The following RAB27A variants were observed in gnomAD, a reference collection of about 807,000 sequenced individuals.
RAB27A encodes the protein RAB27A, member RAS oncogene family.
Under a neutral mutation model 20.8 loss-of-function variants are expected in RAB27A, and 17 were observed. The observed-to-expected ratio is 0.82, with a 90% CI of 0.56 to 1.23. The LOEUF (loss-of-function observed/expected upper bound fraction) is 1.23, where lower values mean the gene tolerates loss of function less well. Ranked by LOEUF, RAB27A falls within the 50% of genes most tolerant of loss-of-function variation. The probability of loss-of-function intolerance (pLI) is 0.00; values close to 1 mark genes in which losing one functional copy is unlikely to be tolerated. For missense variants in RAB27A, 277 were observed against 266.7 expected, an observed-to-expected ratio of 1.04 and a Z score of -0.27; for synonymous variants, 85 against 92.8, an observed-to-expected ratio of 0.92 and a Z score of 0.48.
chr15:55,209,876 ATGTG>A lies in RAB27A; in HGVS notation c.468-4175_468-4172del, dbSNP rs35762284. On this transcript the variant is annotated intron_variant, in intron 6 of 6. Transcript: ENST00000336787. ...TGTGTGTATATACATATATACATAT[ATGTG>A]TGTGTATACATATATACACATATGT... 1.3e-4 allele frequency among the ~76,000 whole-genome samples: 14 copies of A among 106,700 alleles called. 1 individual carries two copies. In the South Asian group the frequency reaches 2.2e-3, roughly 17 times the overall value. The allele number at this position is 106,700 out of a possible 152,430, so 70.0% of individuals were successfully genotyped here. A position where few individuals can be genotyped will look rare whatever the true frequency, so the allele number is the denominator to read the frequency against.
At chr15:55,313,586 A>G (rs971712578) in intron 2 of RAB27A, among the ~76,000 whole-genome samples, 4 of 152,164 alleles carry the variant, frequency 2.6e-5, no homozygotes, top group African/African-American at 9.7e-5. Flanking sequence ...AAAATTACCT[A>G]TGCTACGCCA....
intron 1 of RAB27A, among the ~76,000 whole-genome samples, chr15:55,280,235 G>C (rs1897979497): frequency 6.6e-6 from 1 of 152,072 alleles, no homozygotes; most frequent in African/African-American, 2.4e-5. Flanking sequence ...ACAATGCATA[G>C]AGAGGACAGG....
At chr15:55,253,133 GAA>G (rs778165953) in intron 2 of RAB27A, among the ~76,000 whole-genome samples, 5 of 112,262 alleles carry the variant, frequency 4.5e-5, no homozygotes, top group South Asian at 5.7e-4. Flanking sequence ...CTCTGTCTCT[GAA>G]AAAAAAAAAA....
In RAB27A at chr15:55,256,586, A is replaced by G. The variant is rs186606816; in HGVS notation, c.-23+13579T>C. On this transcript the variant is annotated intron_variant, in intron 2 of 6. Transcript: ENST00000336787. Reference sequence around the variant, plus strand: ...GACTTCAATTTAACAAGTATTGAGGAGGCTTGCTAATCATTTCAAAGGATA... The same window carrying G: ...GACTTCAATTTAACAAGTATTGAGGGGGCTTGCTAATCATTTCAAAGGATA... 3.6e-3 allele frequency among the ~76,000 whole-genome samples: 546 copies of G among 152,320 alleles called. 4 individuals are homozygous for G. Among genetic ancestry groups the G allele is most frequent in the African/African-American group, 0.013 (527 of 41,566 alleles).
At chr15:55,290,287 C>T (rs1390079464), upstream of RAB27A, 1 of 152,254 alleles carries the variant, frequency 6.6e-6, no homozygotes, top group Non-Finnish European at 1.5e-5. Flanking sequence ...CGCGCGGCTC[C>T]TGAGGCGGCG....
intron 2 of RAB27A, among the ~76,000 whole-genome samples, chr15:55,244,521 T>C (rs1368481622): frequency 4.6e-5 from 7 of 152,116 alleles, no homozygotes; most frequent in Admixed American, 4.6e-4. Flanking sequence ...CTCCCTATGT[T>C]GCCCAGGCTG....
intron 1 of RAB27A, chr15:55,318,002 AAGG>A (rs1566943919): frequency 3.0e-6 from 1 of 329,390 alleles, no homozygotes; most frequent in Non-Finnish European, 5.4e-6. Context: ...ATAAATACAT[AAGG>A]AGTACAGGAA....
intron 2 of RAB27A, among the ~76,000 whole-genome samples, chr15:55,245,453 T>C (rs1351591634): frequency 6.6e-6 from 1 of 152,264 alleles, no homozygotes; most frequent in Non-Finnish European, 1.5e-5. Flanking sequence ...TTGTTTCTTA[T>C]TAAAAGATGA....
At chr15:55,230,560 G>GA (rs1895992436) in intron 3 of RAB27A, 74 bp from the exon 4 acceptor site, 5 of 1,240,492 alleles carry the variant, frequency 4.0e-6, no homozygotes, top group Non-Finnish European at 5.9e-6. Context: ...TTTTTGTTCA[G>GA]TACAAATCCC....
intron 6 of RAB27A, 115 bp downstream of exon 6, chr15:55,223,774 G>A (rs1895684020): frequency 2.4e-6 from 3 of 1,263,544 alleles, no homozygotes; most frequent in Admixed American, 1.7e-5. Context: ...CATGCCCCAA[G>A]GCCTATGGCT....
intron 6 of RAB27A, among the ~76,000 whole-genome samples, chr15:55,210,066 G>GTATATA: frequency 7.4e-6 from 1 of 134,578 alleles, no homozygotes; most frequent in Non-Finnish European, 1.6e-5. Flanking sequence ...ACATATGTGT[G>GTATATA]TGTACATATA....
chr15:55,315,004 T>C, intron 1 of RAB27A, among the ~76,000 whole-genome samples: 1 of 152,154 alleles, frequency 6.6e-6, no homozygotes, highest in East Asian at 1.9e-4. Context: ...GCTACCTGAC[T>C]TCAAACTATA....
intron 2 of RAB27A, among the ~76,000 whole-genome samples, chr15:55,302,461 A>T (rs2141142769): frequency 6.6e-6 from 1 of 152,040 alleles, no homozygotes; most frequent in Admixed American, 6.5e-5. Context: ...TGGCCTCCCA[A>T]AGTGCCGAGA....
chr15:55,227,269 C>A (rs549565505), intron 5 of RAB27A, among the ~76,000 whole-genome samples: 1 of 152,126 alleles, frequency 6.6e-6, no homozygotes, highest in South Asian at 2.1e-4. Flanking sequence ...AAAACAGGTG[C>A]GTTATTTTTT....
intron 3 of RAB27A, among the ~76,000 whole-genome samples, chr15:55,233,521 A>G (rs978397845): frequency 2.0e-5 from 3 of 152,228 alleles, no homozygotes; most frequent in Admixed American, 6.5e-5. Context: ...GTCCTGATAC[A>G]TGCTACAACA....
rs1897662054 is a variant in RAB27A at position 55,270,219 on chromosome 15, G to C, written c.-77C>G. Reference sequence around the variant, plus strand: ...ATTTTCTAAAACGTTAGAGACTGGAGTTACCAATGCTTCAACAATTGACAA... The same window carrying C: ...ATTTTCTAAAACGTTAGAGACTGGACTTACCAATGCTTCAACAATTGACAA... On this transcript the variant is annotated 5_prime_UTR_variant, in exon 2 of 7. Transcript: ENST00000336787. 1 of 152,034 alleles carries C rather than the reference G, an allele frequency of 6.6e-6. No individual in the cohort carries two copies. The highest frequency in any genetic ancestry group is 1.5e-5 in the Non-Finnish European group (1 of 68,008). 9.4% of individuals were successfully genotyped at this position (152,034 alleles called of 1,614,324 possible).
chr15:55,234,991 C>T (rs1896197019), intron 2 of RAB27A, 35 bp from the exon 3 acceptor site: 1 of 1,479,116 alleles, frequency 6.8e-7, no homozygotes, highest in African/African-American at 1.4e-5. Context: ...TAATTAAAAT[C>T]CATTAGAAAA....
At chr15:55,228,806 T>C in intron 4 of RAB27A, 94 bp from the exon 5 acceptor site, 1 of 853,042 alleles carries the variant, frequency 1.2e-6, no homozygotes, top group Non-Finnish European at 2.0e-6. Context: ...TACAAAAGTT[T>C]ACCAATAACA....
At position 55,203,195 on chromosome 15, in the gene RAB27A, A is replaced by G. The variant is rs1894475370; in HGVS notation, c.*2312T>C. 2 of 152,196 alleles carry G rather than the reference A, an allele frequency of 1.3e-5. No homozygotes were observed. Among genetic ancestry groups the G allele is most frequent in the African/African-American group, 4.8e-5 (2 of 41,454 alleles). 9.4% of individuals were successfully genotyped at this position (152,196 alleles called of 1,614,324 possible). A position where few individuals can be genotyped will look rare whatever the true frequency, so the allele number is the denominator to read the frequency against. ...CATGTATACACTTAATTGTATGTTT[A>G]AGGCCAGTGGAATCTATAGCTAATT... On this transcript the variant is annotated 3_prime_UTR_variant, in exon 7 of 7. Transcript: ENST00000336787.
Sources: gnomAD v4.1 joint callset for allele counts (sites outside exome capture counted in the v4.1 genomes callset) on GRCh38, gnomAD v4.1.1 for gene constraint, MANE v1.5 for transcripts, NCBI Gene and HGNC (gene_info 2026-07-23, HGNC 2026-07-21) for gene names.